Variants in BPGM observed in about 807,000 individuals in gnomAD.
BPGM encodes the protein bisphosphoglycerate mutase.
Under a neutral mutation model 21.6 loss-of-function variants are expected in BPGM, and 15 were observed. The observed-to-expected ratio is 0.70, with a 90% CI of 0.47 to 1.07. BPGM has a LOEUF of 1.07. Ranked by LOEUF, BPGM falls within the 50% of genes least tolerant of loss-of-function variation. The probability of loss-of-function intolerance (pLI) is 0.00; values close to 1 mark genes in which losing one functional copy is unlikely to be tolerated. For missense variants in BPGM, 273 were observed against 319.0 expected (o/e 0.86, Z 1.10); for synonymous variants, 113 against 116.2 (o/e 0.97, Z 0.18).
intron 2 of BPGM, among the ~76,000 whole-genome samples, chr7:134,667,324 G>T (rs1167710797): frequency 6.6e-6 from 1 of 151,958 alleles, no homozygotes; most frequent in Non-Finnish European, 1.5e-5. Flanking sequence ...TGTGGTTAAT[G>T]CCTGTTGTCC....
chr7:134,675,174 A>T (rs1450877770), intron 2 of BPGM, among the ~76,000 whole-genome samples: 3 of 152,122 alleles, frequency 2.0e-5, no homozygotes, highest in Admixed American at 2.0e-4. Context: ...ACTATATATG[A>T]TATACAAATT....
At chr7:134,672,890 G>A (rs1220355677) in intron 2 of BPGM, among the ~76,000 whole-genome samples, 5 of 151,858 alleles carry the variant, frequency 3.3e-5, no homozygotes. Context: ...TAAAATTTTA[G>A]TTGGCCGGGC....
chr7:134,657,253 A>G (rs922260115), intron 1 of BPGM, among the ~76,000 whole-genome samples: 5 of 152,194 alleles, frequency 3.3e-5, no homozygotes, highest in Non-Finnish European at 7.3e-5. Context: ...GTGAGACTGA[A>G]GTGGCAATGG....
intron 1 of BPGM, among the ~76,000 whole-genome samples, chr7:134,651,374 C>T (rs1795552676): frequency 6.6e-6 from 1 of 151,924 alleles, no homozygotes; most frequent in Non-Finnish European, 1.5e-5. Context: ...CTTTCAAACA[C>T]GTGAGGAAGG....
At position 134,671,392 on chromosome 7, in the gene BPGM, C is replaced by T. The variant is rs367712803; in HGVS notation, c.602-7461C>T. Among the ~76,000 whole-genome samples the T allele has an allele frequency of 8.4e-3, 1,192 of 141,716 alleles. 7 individuals carry two copies. The highest frequency in any genetic ancestry group is 0.043 in the South Asian group (196 of 4,564). 93.0% of individuals were successfully genotyped at this position (141,716 alleles called of 152,430 possible). On this transcript the variant is annotated intron_variant, in intron 2 of 2. Transcript: ENST00000344924. ...TTTTTTTTTTTTTGAGATGGAGTCT[C>T]GCTCTGTTGCCCAGGCTGGAGTGCA...
At chr7:134,662,134 A>G (rs376051484) in intron 2 of BPGM, 26 bp downstream of exon 2, 16 of 1,613,388 alleles carry the variant, frequency 9.9e-6, no homozygotes, top group Non-Finnish European at 1.3e-5. Flanking sequence ...ACCACTTATT[A>G]GAGGTTGCCA....
Position 134,679,050 on chromosome 7 carries a change from T to C in BPGM, c.*19T>C. ...AAAATAGTCTTTCTCAACTGTTGGC[T>C]AAGAAGAAATGCAAAAGAAGTGGCA... On this transcript the variant is annotated 3_prime_UTR_variant, in exon 3 of 3. Coordinates refer to ENST00000344924, the MANE Select transcript of BPGM (RefSeq NM_001724.5). The C allele has an allele frequency of 6.2e-7, 1 of 1,612,730 alleles. No individual in the cohort carries two copies. The highest frequency in any genetic ancestry group is 8.5e-7 in the Non-Finnish European group (1 of 1,178,856).
intron 1 of BPGM, among the ~76,000 whole-genome samples, chr7:134,658,000 A>G (rs191396494): frequency 6.6e-6 from 1 of 152,218 alleles, no homozygotes; most frequent in African/African-American, 2.4e-5. Context: ...GCTAGCAGCC[A>G]CGATCTAGCC....
At chr7:134,673,599 G>A (rs1450766547) in intron 2 of BPGM, among the ~76,000 whole-genome samples, 2 of 152,138 alleles carry the variant, frequency 1.3e-5, no homozygotes, top group Non-Finnish European at 2.9e-5. Flanking sequence ...CCCTAAACAT[G>A]GCCCATCATA....
intron 1 of BPGM, among the ~76,000 whole-genome samples, chr7:134,648,883 G>C (rs1795511930): frequency 6.6e-6 from 1 of 152,144 alleles, no homozygotes; most frequent in African/African-American, 2.4e-5. Context: ...CTGTTTTAAA[G>C]TAAAAATTAT....
At position 134,664,437 on chromosome 7, in the gene BPGM, C is replaced by T. The variant is rs144250361; in HGVS notation, c.601+2329C>T. 1.9e-3 allele frequency among the ~76,000 whole-genome samples: 288 copies of T among 152,284 alleles called. 1 individual carries two copies. The highest frequency in any genetic ancestry group is 6.4e-3 in the African/African-American group (264 of 41,560). Reference sequence around the variant, plus strand: ...GTGTGTGTTTCTTATCCACATTTCCCCTTTTATAAGGCCACCAATAATATT... The same window carrying T: ...GTGTGTGTTTCTTATCCACATTTCCTCTTTTATAAGGCCACCAATAATATT... On this transcript the variant is annotated intron_variant, in intron 2 of 2. Coordinates refer to ENST00000344924, the MANE Select transcript of BPGM (RefSeq NM_001724.5).
chr7:134,670,281 C>T (rs1020888414), intron 2 of BPGM, among the ~76,000 whole-genome samples: 1 of 152,134 alleles, frequency 6.6e-6, no homozygotes, highest in Non-Finnish European at 1.5e-5. Context: ...ATTAGAGACT[C>T]AGGGAGGAAA....
Position 134,661,697 on chromosome 7 carries a change from A to G in BPGM, c.190A>G (p.Ile64Val), listed in dbSNP as rs767973461. ...ATTCACATCTGTCCTTAATCGGTCC[A>G]TTCACACAGCCTGGCTGATCCTGGA... ...LVFTSVLNRS[I>V]HTAWLILEEL... Residue 64 changes from isoleucine to valine, a missense_variant, in exon 2 of 3, where the codon ATT becomes GTT. Coordinates refer to ENST00000344924, the MANE Select transcript of BPGM (RefSeq NM_001724.5). This position sits in a 1 kb window ranked among gnomAD's most constrained non-coding sequence, Gnocchi z 4.6. 4.3e-6 allele frequency: 7 copies of G among 1,614,002 alleles called. No individual in the cohort carries two copies. Among genetic ancestry groups the G allele is most frequent in the Non-Finnish European group, 5.9e-6 (7 of 1,180,032 alleles).
chr7:134,663,712 A>G (rs1214934984), intron 2 of BPGM, among the ~76,000 whole-genome samples: 2 of 152,136 alleles, frequency 1.3e-5, no homozygotes, highest in Non-Finnish European at 2.9e-5. Flanking sequence ...TATCTCCTTT[A>G]GGATCATCTT....
At chr7:134,668,680 A>G (rs1235040991) in intron 2 of BPGM, among the ~76,000 whole-genome samples, 1 of 152,156 alleles carries the variant, frequency 6.6e-6, no homozygotes, top group African/African-American at 2.4e-5. Context: ...TCCTGGTCAT[A>G]TTTTTTATTT....
intron 1 of BPGM, among the ~76,000 whole-genome samples, chr7:134,654,729 GT>G (rs952061669): frequency 1.9e-4 from 29 of 152,076 alleles, no homozygotes; most frequent in Middle Eastern, 3.4e-3. Context: ...ATCTTAGTGG[GT>G]TTTTTTTCTT....
At position 134,675,598 on chromosome 7, in the gene BPGM, A is replaced by C. The variant is rs1274445473; in HGVS notation, c.602-3255A>C. 2.0e-5 allele frequency among the ~76,000 whole-genome samples: 3 copies of C among 152,252 alleles called. No individual in the cohort carries two copies. The East Asian group carries it at 5.8e-4, about 29-fold the overall frequency. ...TATTTTGGGTTCCCAATTCTATTTC[A>C]TTGATCTGTGTGTATCTTGATTACT... On this transcript the variant is annotated intron_variant, in intron 2 of 2. Coordinates refer to ENST00000344924, the MANE Select transcript of BPGM (RefSeq NM_001724.5).
At chr7:134,649,828 CT>C (rs879758781) in intron 1 of BPGM, among the ~76,000 whole-genome samples, 2 of 152,210 alleles carry the variant, frequency 1.3e-5, no homozygotes, top group Non-Finnish European at 2.9e-5. Context: ...CATTTCTCCT[CT>C]AATTCCTCCC....
chr7:134,675,551 A>T (rs1321002891), intron 2 of BPGM, among the ~76,000 whole-genome samples: 1 of 152,174 alleles, frequency 6.6e-6, no homozygotes, highest in African/African-American at 2.4e-5. Flanking sequence ...TTGGAAATCA[A>T]TTGATAAAAA....
Sources: allele counts gnomAD v4.1 joint callset (sites outside exome capture counted in the v4.1 genomes callset), GRCh38; gene constraint gnomAD v4.1.1; non-coding constraint Gnocchi (gnomAD v3.1); transcripts MANE v1.5; gene names NCBI Gene and HGNC (gene_info 2026-07-23, HGNC 2026-07-21).